Variants in NTN1 observed in about 807,000 individuals in gnomAD.
The protein encoded by NTN1 is netrin-1.
A neutral mutation model predicts 54.2 loss-of-function variants in NTN1; 11 were observed. The ratio of observed to expected loss-of-function variants is 0.20; its 90% confidence interval spans 0.13 to 0.34. NTN1 has a LOEUF of 0.34. Ranked by LOEUF, NTN1 falls within the 10% of genes least tolerant of loss-of-function variation. The pLI, the probability that NTN1 is intolerant of heterozygous loss-of-function variation, is 1.00. For synonymous variants in NTN1, 371 were observed against 382.0 expected, an observed-to-expected ratio of 0.97 and a Z score of 0.33; for missense variants, 740 against 893.1, an observed-to-expected ratio of 0.83 and a Z score of 2.18.
chr17:9,239,807 C>T lies in NTN1; in HGVS notation c.1654C>T (p.Leu552Phe). 1.2e-6 allele frequency: 2 copies of T among 1,613,752 alleles called. No individual in the cohort carries two copies. Among genetic ancestry groups the T allele is most frequent in the African/African-American group, 1.3e-5 (1 of 75,060 alleles). Reference protein sequence around the residue: ...IACKCPKIKPLKKYLLLGNAE... With the variant: ...IACKCPKIKPFKKYLLLGNAE... ...CTGCAAGTGTCCCAAAATCAAGCCC[C>T]TCAAGAAGTACCTGCTGCTGGGCAA... The change falls in exon 7 of 7, where the codon CTC becomes TTC. Residue 552 changes from leucine to phenylalanine, a missense_variant. By Grantham distance (22) the Leu-to-Phe change is conservative. Transcript: ENST00000173229. This position sits in a 1 kb window ranked among gnomAD's most constrained non-coding sequence, Gnocchi z 5.2.
chr17:9,032,957 CTTT>C (rs34215544), intron 2 of NTN1, among the ~76,000 whole-genome samples: 3 of 137,994 alleles, frequency 2.2e-5, no homozygotes, highest in Non-Finnish European at 3.1e-5. Context: ...GAAATCAATC[CTTT>C]TTTTTTTTTT....
At chr17:9,058,541 TA>T (rs1159465732) in intron 2 of NTN1, among the ~76,000 whole-genome samples, 2 of 139,626 alleles carry the variant, frequency 1.4e-5, no homozygotes, top group African/African-American at 5.5e-5. Context: ...TTCTTATCCA[TA>T]AAGTGGGGAT....
the NTN1 span, among the ~76,000 whole-genome samples, chr17:9,012,832 A>G: frequency 1.3e-5 from 2 of 152,244 alleles, no homozygotes; most frequent in Non-Finnish European, 2.9e-5. Context: ...TGTGATAACT[A>G]GAAGTTGTCA....
intron 2 of NTN1, among the ~76,000 whole-genome samples, chr17:9,096,528 A>G (rs7210757): frequency 0.72 from 109,254 of 151,534 alleles, 39,842 homozygotes; most frequent in East Asian, 0.96. Flanking sequence ...CCGCCACCAC[A>G]CCCAACTAAT....
At chr17:9,234,991 TCGC>T (rs1210873595) in intron 6 of NTN1, among the ~76,000 whole-genome samples, 12 of 135,840 alleles carry the variant, frequency 8.8e-5, no homozygotes, top group Non-Finnish European at 1.2e-4. Flanking sequence ...AGATGGAGTT[TCGC>T]TCCTGTTGCC....
rs199821941 is a variant in NTN1, at chr17:9,022,904, C to T, written c.531C>T (p.Tyr177=). The T allele has an allele frequency of 4.3e-6, 7 of 1,612,306 alleles. No individual in the cohort carries two copies. In the East Asian group the frequency reaches 1.3e-4, roughly 31 times the overall value. Residue 177 remains tyrosine, a synonymous_variant, in exon 2 of 7, where the codon TAC becomes TAT. Transcript: ENST00000173229. The stretch of plus-strand genomic sequence containing the variant: ...GCACGTGGGTGCCCTTCCAGTTCTA[C>T]TCCACGCAGTGCCGCAAGATGTACA... ...YGRTWVPFQF[Y]STQCRKMYNR...
intron 1 of NTN1, among the ~76,000 whole-genome samples, chr17:9,021,896 G>A (rs991660433): frequency 6.6e-6 from 1 of 152,168 alleles, no homozygotes; most frequent in Non-Finnish European, 1.5e-5. Flanking sequence ...CGGACTTTCC[G>A]GCGGGGACGC....
At chr17:9,013,872 G>A in the NTN1 span, among the ~76,000 whole-genome samples, 1 of 152,172 alleles carries the variant, frequency 6.6e-6, no homozygotes, top group African/African-American at 2.4e-5. Context: ...TCCCTACACA[G>A]TGACCCATTT....
intron 2 of NTN1, among the ~76,000 whole-genome samples, chr17:9,140,397 G>A (rs760767922): frequency 3.3e-5 from 5 of 152,206 alleles, no homozygotes; most frequent in Admixed American, 1.3e-4. Flanking sequence ...GGCTGAACTC[G>A]TTGAAAAATA....
intron 2 of NTN1, among the ~76,000 whole-genome samples, chr17:9,033,244 G>T (rs757205390): frequency 6.6e-6 from 1 of 152,028 alleles, no homozygotes; most frequent in African/African-American, 2.4e-5. Flanking sequence ...GTGAGCCACC[G>T]TGCCCGGCCC....
At chr17:9,018,037 C>T (rs796237270), upstream of NTN1, among the ~76,000 whole-genome samples, 13 of 152,082 alleles carry the variant, frequency 8.5e-5, no homozygotes, top group African/African-American at 2.9e-4. Context: ...TGCTGTGTAG[C>T]GTAGGGTTTG....
chr17:9,119,943 A>G (rs1406025682), intron 2 of NTN1, among the ~76,000 whole-genome samples: 1 of 152,088 alleles, frequency 6.6e-6, no homozygotes, highest in East Asian at 1.9e-4. Context: ...AGATGTAACT[A>G]TACAGATGTT....
chr17:9,021,230 C>T (rs2091845697), upstream of NTN1, among the ~76,000 whole-genome samples: 1 of 151,654 alleles, frequency 6.6e-6, no homozygotes, highest in South Asian at 2.1e-4. Context: ...GGCGGCCCCT[C>T]CTCCCCCACG....
Position 9,131,037 on chromosome 17 carries a change from C to T in NTN1, c.1019-31776C>T, listed in dbSNP as rs78905505. Among the ~76,000 whole-genome samples, 77 of 152,318 alleles carry T rather than the reference C, an allele frequency of 5.1e-4. No homozygotes were observed. In the East Asian group the frequency reaches 0.012, roughly 23 times the overall value. On this transcript the variant is annotated intron_variant, in intron 2 of 6. Transcript: ENST00000173229. Reference sequence around the variant, plus strand: ...TTCTCTGTGTGTGTTCCAGTGATGGCCTCCTTGCTCTTTCTCCGCTCTGCC... The same window carrying T: ...TTCTCTGTGTGTGTTCCAGTGATGGTCTCCTTGCTCTTTCTCCGCTCTGCC...
chr17:9,123,081 A>C (rs1329307163), intron 2 of NTN1, among the ~76,000 whole-genome samples: 1 of 152,126 alleles, frequency 6.6e-6, no homozygotes, highest in African/African-American at 2.4e-5. Flanking sequence ...GTACATCTTC[A>C]AGGAATAAGC....
Position 9,221,147 on chromosome 17 carries a change from T to TGGCC in NTN1, c.1412-21_1412-20insGGCC. On this transcript the variant is annotated intron_variant, in intron 5 of 6. Transcript: ENST00000173229. This position sits in a 1 kb window ranked among gnomAD's most constrained non-coding sequence, Gnocchi z 4.5. Reference sequence around the variant, plus strand: ...CAGCCTAATTAGTTTTTGTCTGTGCTCCCCCCCCACCCCCCTGCAGACTGC... The same window carrying TGGCC: ...CAGCCTAATTAGTTTTTGTCTGTGCTGGCCCCCCCCCCACCCCCCTGCAGACTGC... The TGGCC allele has an allele frequency of 1.7e-5, 22 of 1,303,676 alleles. No homozygotes were observed. Among genetic ancestry groups the TGGCC allele is most frequent in the Non-Finnish European group, 2.2e-5 (21 of 952,760 alleles). The allele number at this position is 1,303,676 out of a possible 1,614,324, so 80.8% of individuals were successfully genotyped here.
At chr17:9,168,393 G>A (rs947132572) in intron 3 of NTN1, among the ~76,000 whole-genome samples, 8 of 152,272 alleles carry the variant, frequency 5.3e-5, no homozygotes, top group South Asian at 2.1e-4. Flanking sequence ...TTAGCCGGGC[G>A]CAGTGGCGCA....
chr17:9,129,398 G>A (rs912055038), intron 2 of NTN1, among the ~76,000 whole-genome samples: 4 of 152,134 alleles, frequency 2.6e-5, no homozygotes, highest in Non-Finnish European at 5.9e-5. Flanking sequence ...GTGAGTCTTC[G>A]TCTGGCTTCT....
At chr17:9,083,481 C>T (rs1277287408) in intron 2 of NTN1, among the ~76,000 whole-genome samples, 1 of 152,206 alleles carries the variant, frequency 6.6e-6, no homozygotes, top group African/African-American at 2.4e-5. Context: ...TTCCTGGCTA[C>T]AGGAATTGGT....
Sources: gnomAD v4.1 joint callset for allele counts (sites outside exome capture counted in the v4.1 genomes callset) on GRCh38, gnomAD v4.1.1 for gene constraint, Gnocchi (gnomAD v3.1) non-coding constraint, MANE v1.5 for transcripts, NCBI Gene and HGNC (gene_info 2026-07-23, HGNC 2026-07-21) for gene names.